Variants in FNDC7 observed in about 807,000 individuals in gnomAD.
FNDC7 encodes fibronectin type III domain-containing protein 7.
In FNDC7, 66 loss-of-function variants were observed where a neutral mutation model predicts 74.2. The observed-to-expected ratio is 0.89, with a 90% CI of 0.73 to 1.09. FNDC7 has a LOEUF of 1.09. Ranked by LOEUF, FNDC7 falls within the 50% of genes least tolerant of loss-of-function variation. FNDC7 has a pLI of 0.00. For synonymous variants in FNDC7, 307 were observed against 330.2 expected (o/e 0.93, Z 0.76); for missense variants, 829 against 893.4 (o/e 0.93, Z 0.92).
intron 3 of FNDC7, among the ~76,000 whole-genome samples, chr1:108,718,446 C>A (rs575740637): frequency 3.3e-5 from 5 of 152,306 alleles, no homozygotes; most frequent in African/African-American, 1.2e-4. Flanking sequence ...AAAGTTGTAC[C>A]TAGGCATATT....
chr1:108,720,851 TTTCCAAATAAGGCTACATTCTGAGAGTAC>T, intron 4 of FNDC7, among the ~76,000 whole-genome samples: 2 of 152,346 alleles, frequency 1.3e-5, no homozygotes, highest in East Asian at 3.9e-4. Flanking sequence ...TATGACCCTA[TTTCCAAATAAGGCTACATTCTGAGAGTAC>T]TAGGGGCAAG....
chr1:108,713,658 C>G, intron 2 of FNDC7, 129 bp downstream of exon 2: 12 of 749,812 alleles, frequency 1.6e-5, no homozygotes, highest in Non-Finnish European at 2.4e-5. Flanking sequence ...TGAGCACTCA[C>G]ACTGGGTGCT....
Position 108,728,833 on chromosome 1 carries a change from C to T in FNDC7, c.1571C>T (p.Ala524Val), listed in dbSNP as rs1266873776. Residue 524 changes from alanine (A) to valine (V), a missense_variant, in exon 8 of 13, where the codon GCC (alanine) becomes GTC (valine). By Grantham distance (64) the Ala-to-Val change is moderately conservative. Coordinates refer to ENST00000370017, the MANE Select transcript of FNDC7 (RefSeq NM_001144937.3). ...CGSVFSVTAV[A>V]ETQAGRSLPS... ...TCAGTGTTCTCTGTCACTGCTGTGG[C>T]CGAAACACAGGCAGGACGGAGCCTG... The T allele has an allele frequency of 6.2e-7, 1 of 1,614,190 alleles. No individual in the cohort carries two copies. The highest frequency in any genetic ancestry group is 8.5e-7 in the Non-Finnish European group (1 of 1,180,042).
rs761918620 is a variant in FNDC7, at chr1:108,733,524, T to C, written c.2132T>C (p.Ile711Thr). The part of the protein sequence containing the change: ...GLKLTFCPKK[I>T]YSVTCSGSTL... ...AAGCTTACTTTCTGTCCAAAAAAAA[T>C]ATATTCAGGTAAAGCAAGTTATGAC... Residue 711 changes from isoleucine to threonine, a missense_variant, in exon 10 of 13, where the codon ATA becomes ACA. By Grantham distance (89) the Ile-to-Thr change is moderately conservative. Coordinates refer to ENST00000370017, the MANE Select transcript of FNDC7 (RefSeq NM_001144937.3). The C allele has an allele frequency of 2.5e-6, 4 of 1,611,924 alleles. No individual in the cohort carries two copies. In the Admixed American group the frequency reaches 5.0e-5, roughly 20 times the overall value.
intron 11 of FNDC7, among the ~76,000 whole-genome samples, chr1:108,741,128 G>C (rs1003225710): frequency 6.6e-6 from 1 of 152,188 alleles, no homozygotes; most frequent in Non-Finnish European, 1.5e-5. Context: ...GCTTCTGATG[G>C]ATGCTAAAGT....
At chr1:108,730,192 C>A (rs1661311210) in intron 8 of FNDC7, among the ~76,000 whole-genome samples, 1 of 152,058 alleles carries the variant, frequency 6.6e-6, no homozygotes, top group African/African-American at 2.4e-5. Context: ...TCCTGGCCAA[C>A]ATGGTGAAAC....
Position 108,713,518 on chromosome 1 carries a change from C to T in FNDC7, c.71C>T (p.Ser24Leu), listed in dbSNP as rs1430727366. 1.9e-6 allele frequency: 3 copies of T among 1,548,090 alleles called. No individual in the cohort carries two copies. In the African/African-American group the frequency reaches 4.1e-5, roughly 21 times the overall value. ...CCAAACTTTCCTTTTCAGGTTGCTT[C>T]AGCAAAATCAGGTACAATTTTCTGA... ...FILICLKMVASAKSAPEIPTI... is the reference protein window; with the variant it reads ...FILICLKMVALAKSAPEIPTI... The change falls in exon 2 of 13, where the codon TCA (serine) becomes TTA (leucine). Residue 24 changes from serine (S) to leucine (L), a missense_variant. Ser to Leu is a moderately radical substitution (Grantham distance 145). Transcript: ENST00000370017.
At chr1:108,715,312 C>T (rs1229345437) in intron 2 of FNDC7, among the ~76,000 whole-genome samples, 2 of 152,160 alleles carry the variant, frequency 1.3e-5, no homozygotes, top group Admixed American at 6.5e-5. Context: ...GTTGGTTGCA[C>T]ATCTAGGGAA....
intron 8 of FNDC7, among the ~76,000 whole-genome samples, 166 bp downstream of exon 8, chr1:108,729,052 T>A (rs55891684): frequency 0.17 from 26,271 of 152,282 alleles, 2,509 homozygotes; most frequent in Non-Finnish European, 0.22. Flanking sequence ...TTCAATATTT[T>A]ACAAGTTCTG....
chr1:108,719,365 C>A (rs546477315), intron 4 of FNDC7, among the ~76,000 whole-genome samples: 1 of 152,304 alleles, frequency 6.6e-6, no homozygotes, highest in East Asian at 1.9e-4. Context: ...CCCATCACCC[C>A]TTGTCCCTTT....
chr1:108,728,170 T>A, intron 7 of FNDC7, 105 bp downstream of exon 7: 1 of 1,379,378 alleles, frequency 7.2e-7, no homozygotes, highest in African/African-American at 1.4e-5. Context: ...TTAAATCCCA[T>A]TAATCAATCT....
At chr1:108,720,641 AGGTT>A (rs1661074553) in intron 4 of FNDC7, among the ~76,000 whole-genome samples, 1 of 152,198 alleles carries the variant, frequency 6.6e-6, no homozygotes, top group Non-Finnish European at 1.5e-5. Context: ...GGTGTTGGCT[AGGTT>A]GGTTCCTTCT....
chr1:108,726,597 G>A (rs538663042), intron 6 of FNDC7, among the ~76,000 whole-genome samples: 3 of 152,286 alleles, frequency 2.0e-5, no homozygotes, highest in South Asian at 2.1e-4. Flanking sequence ...TAGCATCACC[G>A]TTGCTGTTGC....
intron 11 of FNDC7, among the ~76,000 whole-genome samples, chr1:108,740,243 G>A (rs1019947745): frequency 8.6e-5 from 13 of 151,618 alleles, no homozygotes; most frequent in Admixed American, 2.6e-4. Flanking sequence ...GCTGAGGGGA[G>A]CCATGGGAAT....
At chr1:108,719,115 C>T in intron 4 of FNDC7, 66 bp downstream of exon 4, 1 of 1,525,934 alleles carries the variant, frequency 6.6e-7, no homozygotes, top group Non-Finnish European at 8.9e-7. Flanking sequence ...CTGTGTGTTG[C>T]AGCCATCAAG....
In FNDC7 at chr1:108,727,899, T is replaced by C. The variant is rs1557790427; in HGVS notation, c.1203T>C (p.Tyr401=). ...VWSPVRGAEL[Y]ETKAVDGYNM... The stretch of plus-strand genomic sequence containing the variant: ...CTCCTGTCCGTGGTGCCGAACTGTA[T>C]GAAACCAAGGCTGTAGATGGGTACA... The change falls in exon 7 of 13, where the codon TAT becomes TAC. Residue 401 remains tyrosine (Y), a synonymous_variant. Transcript: ENST00000370017. The C allele has an allele frequency of 1.2e-6, 2 of 1,614,154 alleles. No individual in the cohort carries two copies. Among genetic ancestry groups the C allele is most frequent in the Non-Finnish European group, 8.5e-7 (1 of 1,180,032 alleles).
At chr1:108,733,868 A>G (rs568348272) in intron 10 of FNDC7, among the ~76,000 whole-genome samples, 1 of 151,836 alleles carries the variant, frequency 6.6e-6, no homozygotes, top group Non-Finnish European at 1.5e-5. Flanking sequence ...CAGGCTGGTC[A>G]TGAACTCCTG....
chr1:108,730,709 A>T lies in FNDC7; in HGVS notation c.1660A>T (p.Ile554Phe). 6.2e-7 allele frequency: 1 copy of T among 1,600,350 alleles called. No homozygotes were observed. The highest frequency in any genetic ancestry group is 8.5e-7 in the Non-Finnish European group (1 of 1,171,244). ...CCPTGLTVTQITQSVINVSWT... is the reference protein window; with the variant it reads ...CCPTGLTVTQFTQSVINVSWT... ...TCCAACCGGTCTGACAGTAACTCAA[A>T]TCACCCAGTCAGTAATCAACGTGAG... The change falls in exon 9 of 13, where the codon ATC (isoleucine) becomes TTC (phenylalanine). Residue 554 changes from isoleucine (I) to phenylalanine (F), a missense_variant. Coordinates refer to ENST00000370017, the MANE Select transcript of FNDC7 (RefSeq NM_001144937.3).
Position 108,733,463 on chromosome 1 carries a change from A to G in FNDC7, c.2071A>G (p.Thr691Ala). The G allele has an allele frequency of 1.9e-6, 3 of 1,614,106 alleles. No homozygotes were observed. The highest frequency in any genetic ancestry group is 2.5e-6 in the Non-Finnish European group (3 of 1,180,018). The stretch of plus-strand genomic sequence containing the variant: ...TGAGATACCCTGTGGGGATGTATAC[A>G]CTGTGATGGTCTCACCAGTTGCTAA... ...VTEIPCGDVYTVMVSPVAKTG... is the reference protein window; with the variant it reads ...VTEIPCGDVYAVMVSPVAKTG... The change falls in exon 10 of 13, where the codon ACT becomes GCT. Residue 691 changes from threonine to alanine, a missense_variant. Thr to Ala is a moderately conservative substitution (Grantham distance 58). Coordinates refer to ENST00000370017, the MANE Select transcript of FNDC7 (RefSeq NM_001144937.3).
Sources: allele counts gnomAD v4.1 joint callset (sites outside exome capture counted in the v4.1 genomes callset), GRCh38; gene constraint gnomAD v4.1.1; transcripts MANE v1.5; gene names NCBI Gene and HGNC (gene_info 2026-07-23, HGNC 2026-07-21).